EGFLAM: variants seen among roughly 807,000 people sequenced by gnomAD.
EGFLAM encodes pikachurin.
In EGFLAM, 79 loss-of-function variants were observed where a neutral mutation model predicts 113.1. That is an observed-to-expected ratio of 0.70 (90% CI 0.58 to 0.84). The LOEUF is 0.84. EGFLAM is among the 40% of genes least tolerant of loss of function. EGFLAM has a pLI of 0.00. For synonymous variants in EGFLAM, 504 were observed against 487.6 expected (o/e 1.03, Z -0.44); for missense variants, 1,265 against 1,291.6 (o/e 0.98, Z 0.32).
chr5:38,332,433 C>T (rs371146570), intron 1 of EGFLAM, among the ~76,000 whole-genome samples: 1 of 152,092 alleles, frequency 6.6e-6, no homozygotes, highest in Non-Finnish European at 1.5e-5. Flanking sequence ...CATCTCCCTC[C>T]ACCCACTCTC....
chr5:38,433,189 G>T (rs143033126), intron 15 of EGFLAM, among the ~76,000 whole-genome samples: 2 of 152,204 alleles, frequency 1.3e-5, no homozygotes, highest in African/African-American at 4.8e-5. Context: ...GACAGGTAGG[G>T]CAGGGGTTAG....
At chr5:38,448,501 T>A in intron 18 of EGFLAM, 122 bp downstream of exon 18, 1 of 994,594 alleles carries the variant, frequency 1.0e-6, no homozygotes, top group Non-Finnish European at 1.5e-6. Context: ...CATTCAGCCA[T>A]GGCCTCAGGG....
At chr5:38,298,184 C>A (rs868374333) in intron 1 of EGFLAM, among the ~76,000 whole-genome samples, 1 of 152,170 alleles carries the variant, frequency 6.6e-6, no homozygotes, top group East Asian at 1.9e-4. Context: ...CATTTACTAG[C>A]AATGAGTCTT....
intron 10 of EGFLAM, among the ~76,000 whole-genome samples, chr5:38,409,307 C>G (rs1284556396): frequency 6.6e-6 from 1 of 152,164 alleles, no homozygotes; most frequent in Non-Finnish European, 1.5e-5. Context: ...TTTTGGAAAT[C>G]ATTCATTCAT....
At position 38,270,570 on chromosome 5, in the gene EGFLAM, A is replaced by G. The variant is rs866357292; in HGVS notation, c.97+11719A>G. On this transcript the variant is annotated intron_variant, in intron 1 of 21. Transcript: ENST00000322350. Reference sequence around the variant, plus strand: ...CTTAGCCACAACCTACACCCATAATACACATCCCTTCAGCTTGAAGGAATT... The same window carrying G: ...CTTAGCCACAACCTACACCCATAATGCACATCCCTTCAGCTTGAAGGAATT... Among the ~76,000 whole-genome samples, 3 of 152,316 alleles carry G rather than the reference A, an allele frequency of 2.0e-5. No individual in the cohort carries two copies. The South Asian group carries it at 6.2e-4, about 32-fold the overall frequency.
At chr5:38,428,386 A>G (rs1210219045) in intron 14 of EGFLAM, among the ~76,000 whole-genome samples, 1 of 152,228 alleles carries the variant, frequency 6.6e-6, no homozygotes, top group Non-Finnish European at 1.5e-5. Flanking sequence ...ATTCCTGCAC[A>G]TCAGTGACAC....
At chr5:38,393,765 C>A (rs552053466) in intron 6 of EGFLAM, among the ~76,000 whole-genome samples, 1 of 152,334 alleles carries the variant, frequency 6.6e-6, no homozygotes, top group East Asian at 1.9e-4. Context: ...GCAGCAGCGT[C>A]CAAGCATGTT....
chr5:38,359,142 A>G (rs1739853176), intron 5 of EGFLAM, among the ~76,000 whole-genome samples: 2 of 152,228 alleles, frequency 1.3e-5, no homozygotes, highest in South Asian at 2.1e-4. Flanking sequence ...AATATATAGT[A>G]TGGTGGCAAT....
intron 1 of EGFLAM, among the ~76,000 whole-genome samples, chr5:38,307,851 C>G (rs969759202): frequency 3.3e-5 from 5 of 152,162 alleles, no homozygotes; most frequent in African/African-American, 1.2e-4. Flanking sequence ...ATTTTTGACC[C>G]CAGAGTTACA....
At chr5:38,353,033 A>C (rs1335444189) in intron 5 of EGFLAM, among the ~76,000 whole-genome samples, 1 of 152,210 alleles carries the variant, frequency 6.6e-6, no homozygotes, top group Non-Finnish European at 1.5e-5. Context: ...AAAATCTTTT[A>C]ACAACAAGGA....
At chr5:38,301,096 A>G (rs763233775) in intron 1 of EGFLAM, among the ~76,000 whole-genome samples, 4 of 152,160 alleles carry the variant, frequency 2.6e-5, no homozygotes, top group Middle Eastern at 3.2e-3. Context: ...TGTTGAATAT[A>G]CAAGTCTGGA....
chr5:38,301,643 T>C (rs1475527022), intron 1 of EGFLAM, among the ~76,000 whole-genome samples: 1 of 152,152 alleles, frequency 6.6e-6, no homozygotes, highest in African/African-American at 2.4e-5. Context: ...AATAGCATTA[T>C]GACATCTTTC....
intron 3 of EGFLAM, among the ~76,000 whole-genome samples, chr5:38,349,813 T>G (rs1033376514): frequency 8.6e-5 from 6 of 70,164 alleles, no homozygotes; most frequent in East Asian, 3.6e-4. Flanking sequence ...ACACACACTT[T>G]TAAGAAAGTC....
intron 1 of EGFLAM, among the ~76,000 whole-genome samples, chr5:38,295,726 C>G (rs1227475923): frequency 6.6e-6 from 1 of 152,130 alleles, no homozygotes; most frequent in African/African-American, 2.4e-5. Context: ...ACTAGTAAAA[C>G]CTGTCTTCCT....
intron 1 of EGFLAM, among the ~76,000 whole-genome samples, chr5:38,259,452 G>T (rs1346796620): frequency 6.6e-6 from 1 of 152,192 alleles, no homozygotes; most frequent in Non-Finnish European, 1.5e-5. Flanking sequence ...AGAAATGTAC[G>T]TTGTAACCTG....
At position 38,285,101 on chromosome 5, in the gene EGFLAM, G is replaced by A. The variant is rs115567380; in HGVS notation, c.97+26250G>A. On this transcript the variant is annotated intron_variant, in intron 1 of 21. Transcript: ENST00000322350. ...TAGAAGTTAAGGGGATGATATTCAC[G>A]TAGATTTTATTATATATTTTTTCAC... is the stretch of plus-strand genomic sequence containing the variant. 4.6e-3 allele frequency among the ~76,000 whole-genome samples: 703 copies of A among 152,188 alleles called. 1 individual carries two copies. The highest frequency in any genetic ancestry group is 7.0e-3 in the Non-Finnish European group (477 of 68,018).
intron 6 of EGFLAM, among the ~76,000 whole-genome samples, chr5:38,391,686 T>C (rs972408914): frequency 6.6e-6 from 1 of 152,164 alleles, no homozygotes; most frequent in African/African-American, 2.4e-5. Flanking sequence ...CATGAGCCAC[T>C]GCGCCCGGCC....
Position 38,427,006 on chromosome 5 carries a change from C to T in EGFLAM, c.1811-3C>T. The stretch of plus-strand genomic sequence containing the variant: ...ATTTCTAACACCATGCTTGTTTTTT[C>T]AGCTTTCACCTTGACCATTCCTCAG... On this transcript the variant is annotated splice_region_variant and splice_polypyrimidine_tract_variant and intron_variant, in intron 13 of 21. Coordinates refer to ENST00000322350, the MANE Select transcript of EGFLAM (RefSeq NM_152403.4). The T allele has an allele frequency of 6.2e-7, 1 of 1,613,050 alleles. No homozygotes were observed. Among genetic ancestry groups the T allele is most frequent in the Non-Finnish European group, 8.5e-7 (1 of 1,179,694 alleles).
chr5:38,310,930 GC>G (rs1738425100), intron 1 of EGFLAM, among the ~76,000 whole-genome samples: 1 of 152,066 alleles, frequency 6.6e-6, no homozygotes, highest in African/African-American at 2.4e-5. Context: ...GATGGGGACA[GC>G]CCTAGAGAGA....
Sources: allele counts gnomAD v4.1 joint callset (sites outside exome capture counted in the v4.1 genomes callset), GRCh38; gene constraint gnomAD v4.1.1; transcripts MANE v1.5; gene names NCBI Gene and HGNC (gene_info 2026-07-23, HGNC 2026-07-21).